Variants in BBS7 observed in about 807,000 individuals in gnomAD.
BBS7 encodes BBSome complex member BBS7.
Under a neutral mutation model 90.3 loss-of-function variants are expected in BBS7, and 50 were observed. That is an observed-to-expected ratio of 0.55 (90% CI 0.44 to 0.70). The LOEUF is 0.70. BBS7 is among the 30% of genes least tolerant of loss of function. BBS7 has a pLI of 0.00. For synonymous variants in BBS7, 235 were observed against 287.4 expected (o/e 0.82, Z 1.85); for missense variants, 729 against 838.9 (o/e 0.87, Z 1.62).
At position 121,828,691 on chromosome 4, in the gene BBS7, TAG is replaced by T. The variant is rs768928188; in HGVS notation, c.1712_1713del (p.Ser571TyrfsTer11). The T allele has an allele frequency of 7.5e-6, 12 of 1,606,564 alleles. No individual in the cohort carries two copies. The highest frequency in any genetic ancestry group is 1.0e-5 in the Non-Finnish European group (12 of 1,175,994). ...GEGVFKSDNI[S>X]TISILKDVLS... ...AGCACATCTTTTAGGATGGAGATAG[TAG>T]AAATGTTGTCAGATTTAAAAACTCC... On this transcript the variant is annotated frameshift_variant, in exon 16 of 19. Coordinates refer to ENST00000264499, the MANE Select transcript of BBS7 (RefSeq NM_176824.3). LOFTEE classifies it high-confidence loss of function.
chr4:121,854,560 C>T lies in BBS7; in HGVS notation c.718+144G>A, dbSNP rs191089947. 3,786 of 757,370 alleles carry T rather than the reference C, an allele frequency of 5.0e-3. 15 individuals are homozygous for T. Among genetic ancestry groups the T allele is most frequent in the South Asian group, 7.6e-3 (249 of 32,962 alleles). 46.9% of individuals were successfully genotyped at this position (757,370 alleles called of 1,614,324 possible). ...TATGCCAATAGTATAATAGACCTGA[C>T]AAATAAACAAATAGTAGATAAATCA... On this transcript the variant is annotated intron_variant, in intron 7 of 18. Transcript: ENST00000264499.
At chr4:121,835,089 G>A in intron 14 of BBS7, 55 bp downstream of exon 14, 1 of 1,571,886 alleles carries the variant, frequency 6.4e-7, no homozygotes, top group Non-Finnish European at 8.7e-7. Flanking sequence ...TAAAAAACAG[G>A]TCTATTTGAA....
At position 121,853,638 on chromosome 4, in the gene BBS7, G is replaced by T. The variant is rs142591374; in HGVS notation, c.719-552C>A. On this transcript the variant is annotated intron_variant, in intron 7 of 18. Coordinates refer to ENST00000264499, the MANE Select transcript of BBS7 (RefSeq NM_176824.3). Reference sequence around the variant, plus strand: ...TGATAGCCTAGACTAAGCTAGCCTAGACTAGAATAAATTATAATAACTCTT... The same window carrying T: ...TGATAGCCTAGACTAAGCTAGCCTATACTAGAATAAATTATAATAACTCTT... 9.7e-3 allele frequency among the ~76,000 whole-genome samples: 1,472 copies of T among 151,492 alleles called. 10 individuals carry two copies. Among genetic ancestry groups the T allele is most frequent in the Middle Eastern group, 0.017 (5 of 294 alleles).
intron 3 of BBS7, among the ~76,000 whole-genome samples, chr4:121,862,078 G>T (rs11731917): frequency 5.9e-5 from 9 of 151,884 alleles, no homozygotes; most frequent in African/African-American, 2.2e-4. Context: ...ATACTCCTAC[G>T]AACAGGGAAG....
intron 2 of BBS7, 46 bp from the exon 3 acceptor site, chr4:121,863,325 T>C (rs778135989): frequency 6.9e-7 from 1 of 1,446,782 alleles, no homozygotes; most frequent in Admixed American, 1.7e-5. Flanking sequence ...ATTAATATTA[T>C]GACCTAATAA....
chr4:121,860,534 CTCTA>C lies in BBS7; in HGVS notation c.341+966_341+969del, dbSNP rs141628598. ...TTGAAGAGACTGTTACTGAGAAACT[CTCTA>C]TCTTTCTCACACTACTATCCATATA... On this transcript the variant is annotated intron_variant, in intron 4 of 18. Transcript: ENST00000264499. 2.1e-3 allele frequency among the ~76,000 whole-genome samples: 320 copies of C among 152,244 alleles called. 2 individuals are homozygous for C. The highest frequency in any genetic ancestry group is 2.9e-3 in the Non-Finnish European group (195 of 67,966).
chr4:121,870,157 C>T, intron 1 of BBS7, 121 bp downstream of exon 1: 3 of 1,302,906 alleles, frequency 2.3e-6, no homozygotes, highest in Non-Finnish European at 3.3e-6. Flanking sequence ...CGGCACCCAG[C>T]CCGGCTCCTT....
At chr4:121,847,266 CT>C in intron 10 of BBS7, 137 bp downstream of exon 10, 1 of 635,074 alleles carries the variant, frequency 1.6e-6, no homozygotes, top group South Asian at 1.9e-5. Flanking sequence ...AAACTGTAAA[CT>C]TCCATTTTAA....
Position 121,855,518 on chromosome 4 carries a change from G to C in BBS7, c.572C>G (p.Thr191Ser), listed in dbSNP as rs771779526. 3.7e-6 allele frequency: 6 copies of C among 1,613,602 alleles called. No homozygotes were observed. In the South Asian group the frequency reaches 5.5e-5, roughly 15 times the overall value. Residue 191 changes from threonine (T) to serine (S), a missense_variant, in exon 6 of 19, where the codon ACT (threonine) becomes AGT (serine). Transcript: ENST00000264499. ...ATTTCCATTGTGTAGTGCTAAGACA[G>C]TAGGGGGTCCAGGAACTTCAACTGC... ...MYAVEVPGPPTVLALHNGNGG... is the reference protein window; with the variant it reads ...MYAVEVPGPPSVLALHNGNGG...
chr4:121,840,983 G>A (rs1250173568), intron 12 of BBS7, among the ~76,000 whole-genome samples: 1 of 151,892 alleles, frequency 6.6e-6, no homozygotes, highest in Admixed American at 6.6e-5. Context: ...GACTACAGGT[G>A]CATGCCACCA....
chr4:121,839,375 T>G (rs891363215), intron 13 of BBS7, among the ~76,000 whole-genome samples: 1 of 152,172 alleles, frequency 6.6e-6, no homozygotes, highest in African/African-American at 2.4e-5. Flanking sequence ...GAGACCAACC[T>G]GGGCAACATG....
At chr4:121,835,109 A>G (rs763070908) in intron 14 of BBS7, 35 bp downstream of exon 14, 1 of 1,609,254 alleles carries the variant, frequency 6.2e-7, no homozygotes, top group South Asian at 1.1e-5. Context: ...ATTGTGTAAT[A>G]TCCTAAAAAG....
chr4:121,839,529 G>A, intron 13 of BBS7, 102 bp downstream of exon 13: 1 of 994,102 alleles, frequency 1.0e-6, no homozygotes, highest in Admixed American at 2.0e-5. Flanking sequence ...TCATTTCAGG[G>A]AGAAATTAAA....
intron 13 of BBS7, among the ~76,000 whole-genome samples, chr4:121,838,007 G>A (rs1001733370): frequency 2.6e-5 from 4 of 151,872 alleles, no homozygotes; most frequent in Non-Finnish European, 5.9e-5. Context: ...GGGAGGCTGA[G>A]GCACGAAAAT....
rs753913484 is a variant in BBS7 at position 121,828,671 on chromosome 4, A to G, written c.1734T>C (p.Asp578=). ...TTTTTGTAGCTTCTTTAGAAAGCAC[A>G]TCTTTTAGGATGGAGATAGTAGAAA... ...DNISTISILK[D]VLSKEATKRK... The change falls in exon 16 of 19, where the codon GAT becomes GAC. Residue 578 remains aspartate (D), a synonymous_variant. Transcript: ENST00000264499. 1.9e-6 allele frequency: 3 copies of G among 1,610,448 alleles called. No homozygotes were observed. In the South Asian group the frequency reaches 3.3e-5, roughly 18 times the overall value.
At chr4:121,865,408 T>C (rs763777158) in intron 2 of BBS7, among the ~76,000 whole-genome samples, 3 of 152,082 alleles carry the variant, frequency 2.0e-5, no homozygotes, top group Non-Finnish European at 2.9e-5. Context: ...CTGGCTAATT[T>C]TTGTATTTTT....
chr4:121,835,506 A>T (rs1266490760), intron 13 of BBS7, among the ~76,000 whole-genome samples: 1 of 152,166 alleles, frequency 6.6e-6, no homozygotes, highest in Non-Finnish European at 1.5e-5. Context: ...TAACTTCTCT[A>T]ATCTAATTAA....
chr4:121,825,222 T>A lies in BBS7; in HGVS notation c.*638A>T, dbSNP rs1294741535. ...ATTTCCACAAACTGCAGCAGAGTCATAAAACACTACCAAGCAAAAGGAATA... is the reference window on the plus strand; with the variant it reads ...ATTTCCACAAACTGCAGCAGAGTCAAAAAACACTACCAAGCAAAAGGAATA... On this transcript the variant is annotated 3_prime_UTR_variant, in exon 19 of 19. Transcript: ENST00000264499. 6.6e-6 allele frequency: 1 copy of A among 152,222 alleles called. No individual in the cohort carries two copies. The highest frequency in any genetic ancestry group is 6.5e-5 in the Admixed American group (1 of 15,274). 9.4% of individuals were successfully genotyped at this position (152,222 alleles called of 1,614,324 possible). A position where few individuals can be genotyped will look rare whatever the true frequency, so the allele number is the denominator to read the frequency against.
chr4:121,837,700 A>C (rs1298907483), intron 13 of BBS7, among the ~76,000 whole-genome samples: 2 of 152,252 alleles, frequency 1.3e-5, no homozygotes, highest in Admixed American at 1.3e-4. Context: ...ATGTTTTATC[A>C]TATGGCAAAG....
Sources: allele counts gnomAD v4.1 joint callset (sites outside exome capture counted in the v4.1 genomes callset), GRCh38; gene constraint gnomAD v4.1.1; transcripts MANE v1.5; gene names NCBI Gene and HGNC (gene_info 2026-07-23, HGNC 2026-07-21).